The following RAD54L variants were observed in gnomAD, a reference collection of about 807,000 sequenced individuals.
RAD54L encodes the protein DNA repair and recombination protein RAD54-like.
A neutral mutation model predicts 91.6 loss-of-function variants in RAD54L; 74 were observed. That is an observed-to-expected ratio of 0.81 (90% confidence interval 0.67 to 0.98). The LOEUF (loss-of-function observed/expected upper bound fraction) is 0.98. Ranked by LOEUF, RAD54L falls within the 50% of genes least tolerant of loss-of-function variation. The pLI is 0.00. For synonymous variants in RAD54L, 304 were observed against 349.7 expected (o/e 0.87, Z 1.46); for missense variants, 887 against 945.7 (o/e 0.94, Z 0.81).
At chr1:46,269,567 T>C (rs1172421912) in intron 9 of RAD54L, among the ~76,000 whole-genome samples, 1 of 152,032 alleles carries the variant, frequency 6.6e-6, no homozygotes, top group Non-Finnish European at 1.5e-5. Flanking sequence ...CCTCCAACTA[T>C]ATTCTTACTC....
intron 2 of RAD54L, among the ~76,000 whole-genome samples, chr1:46,249,244 CTTT>C (rs34176735): frequency 6.6e-6 from 1 of 152,166 alleles, no homozygotes; most frequent in Non-Finnish European, 1.5e-5. Flanking sequence ...CTAGAAGGCA[CTTT>C]TTGGCAGGAG....
chr1:46,274,163 A>G lies in RAD54L; in HGVS notation c.1636A>G (p.Thr546Ala). ...GTACTTATACGTCCGCCTGGATGGC[A>G]CGATGTCCATTAAGAAGCGAGCCAA... ...RRYLYVRLDGTMSIKKRAKVV... is the reference protein window; with the variant it reads ...RRYLYVRLDGAMSIKKRAKVV... The change falls in exon 15 of 18, where the codon ACG becomes GCG. Residue 546 changes from threonine to alanine, a missense_variant. Coordinates refer to ENST00000371975, the MANE Select transcript of RAD54L (RefSeq NM_003579.4). The G allele has an allele frequency of 6.2e-7, 1 of 1,613,680 alleles. No individual in the cohort carries two copies. The highest frequency in any genetic ancestry group is 8.5e-7 in the Non-Finnish European group (1 of 1,179,764).
intron 2 of RAD54L, 81 bp from the exon 3 acceptor site, chr1:46,249,919 A>G: frequency 2.7e-6 from 4 of 1,504,998 alleles, no homozygotes; most frequent in African/African-American, 1.4e-5. Flanking sequence ...CTGGCACTTA[A>G]TAAGCACTTC....
chr1:46,269,400 C>A (rs5019033), intron 9 of RAD54L, among the ~76,000 whole-genome samples: 1 of 151,090 alleles, frequency 6.6e-6, no homozygotes, highest in African/African-American at 2.4e-5. Context: ...CCTTAACTTC[C>A]GGGCTCTAGT....
chr1:46,261,217 T>TTTTTTTTTAA, intron 7 of RAD54L, 44 bp from the exon 8 acceptor site: 1 of 1,607,112 alleles, frequency 6.2e-7, no homozygotes. Flanking sequence ...TTTTTTTTTT[T>TTTTTTTTTAA]CAAAAGATTC....
chr1:46,270,870 T>C, intron 10 of RAD54L, 85 bp downstream of exon 10: 1 of 1,574,342 alleles, frequency 6.4e-7, no homozygotes, highest in Non-Finnish European at 8.7e-7. Context: ...TCTAGAGCCC[T>C]CAAAGGCTGG....
intron 3 of RAD54L, among the ~76,000 whole-genome samples, chr1:46,253,650 A>G (rs894628220): frequency 1.3e-5 from 2 of 150,676 alleles, no homozygotes; most frequent in Admixed American, 6.6e-5. Flanking sequence ...ATGAAAATGG[A>G]AAAACTGCAA....
rs201376777 is a variant in RAD54L at position 46,261,217 on chromosome 1, T to C, written c.767-44T>C. On this transcript the variant is annotated intron_variant, in intron 7 of 17. Transcript: ENST00000371975. ...ATTGTTTTTTTTGTTTTTTTTTTTT[T>C]CAAAAGATTCTGAATTGTTCCCTTT... 1.8e-3 allele frequency: 2,846 copies of C among 1,607,086 alleles called. 10 individuals are homozygous for C. Among genetic ancestry groups the C allele is most frequent in the East Asian group, 0.011 (513 of 44,850 alleles).
chr1:46,265,682 ATAGTCTCTGCCTTAAGAAATCC>A lies in RAD54L; in HGVS notation c.892-1764_892-1743del, dbSNP rs1432433910. 3.9e-5 allele frequency among the ~76,000 whole-genome samples: 6 copies of A among 152,238 alleles called. No homozygotes were observed. The highest frequency in any genetic ancestry group is 7.3e-5 in the Non-Finnish European group (5 of 68,044). On this transcript the variant is annotated intron_variant, in intron 8 of 17. Transcript: ENST00000371975. This position sits in a 1 kb window ranked among gnomAD's most constrained non-coding sequence, Gnocchi z 4.8. ...CTGAAATTATACAGGCGAATCTGAC[ATAGTCTCTGCCTTAAGAAATCC>A]TAGTCTCTGCCTAGTTGAGAAGATA...
Position 46,248,294 on chromosome 1 carries a change from A to T in RAD54L, c.-112A>T. The T allele has an allele frequency of 7.3e-7, 1 of 1,367,798 alleles. No homozygotes were observed. Among genetic ancestry groups the T allele is most frequent in the Admixed American group, 1.9e-5 (1 of 52,438 alleles). 84.7% of individuals were successfully genotyped at this position (1,367,798 alleles called of 1,614,324 possible). ...CCTCTTTAATTAGCCGGTCCTCTCAATAATGTAGCAGCCCCCTCTACAGAT... is the reference window on the plus strand; with the variant it reads ...CCTCTTTAATTAGCCGGTCCTCTCATTAATGTAGCAGCCCCCTCTACAGAT... On this transcript the variant is annotated 5_prime_UTR_variant, in exon 1 of 18. Coordinates refer to ENST00000371975, the MANE Select transcript of RAD54L (RefSeq NM_003579.4).
chr1:46,260,753 C>G lies in RAD54L; in HGVS notation c.504C>G (p.Val168=), dbSNP rs1468481065. Residue 168 remains valine (V), a synonymous_variant, in exon 7 of 18, where the codon GTC becomes GTG. Coordinates refer to ENST00000371975, the MANE Select transcript of RAD54L (RefSeq NM_003579.4). ...GAGTGAAATTCCTGTGGGAGTGTGTCACCAGTCGGCGCATCCCTGGCAGCC... is the reference window on the plus strand; with the variant it reads ...GAGTGAAATTCCTGTGGGAGTGTGTGACCAGTCGGCGCATCCCTGGCAGCC... ...REGVKFLWEC[V]TSRRIPGSHG... 1 of 1,614,078 alleles carries G rather than the reference C, an allele frequency of 6.2e-7. No individual in the cohort carries two copies. Among genetic ancestry groups the G allele is most frequent in the Admixed American group, 1.7e-5 (1 of 59,996 alleles).
At chr1:46,267,334 G>T in intron 8 of RAD54L, 125 bp from the exon 9 acceptor site, 1 of 1,268,452 alleles carries the variant, frequency 7.9e-7, no homozygotes, top group Non-Finnish European at 1.1e-6. Flanking sequence ...AAAGTGCTGG[G>T]ATTACAGGCA....
rs532813905 is a variant in RAD54L, at chr1:46,248,565, C to T, written c.57C>T (p.Ser19=). ...CCAAGAGAAAACCTGAAGGCAGGTCCTGTGATGATGAAGACTGGCAACCTG... is the reference window on the plus strand; with the variant it reads ...CCAAGAGAAAACCTGAAGGCAGGTCTTGTGATGATGAAGACTGGCAACCTG... The part of the protein sequence containing the change: ...QLAKRKPEGR[S]CDDEDWQPGL... The change falls in exon 2 of 18, where the codon TCC becomes TCT. Residue 19 remains serine, a synonymous_variant. Transcript: ENST00000371975. 1.2e-6 allele frequency: 2 copies of T among 1,614,094 alleles called. No homozygotes were observed. Among genetic ancestry groups the T allele is most frequent in the African/African-American group, 2.7e-5 (2 of 75,044 alleles).
At chr1:46,264,675 T>G (rs1660219304) in intron 8 of RAD54L, among the ~76,000 whole-genome samples, 1 of 152,266 alleles carries the variant, frequency 6.6e-6, no homozygotes, top group Non-Finnish European at 1.5e-5. Flanking sequence ...TCTTAAAGAT[T>G]AGGAGACAAA....
At position 46,274,190 on chromosome 1, in the gene RAD54L, G is replaced by C; in HGVS notation, c.1663G>C (p.Val555Leu). ...GATGTCCATTAAGAAGCGAGCCAAG[G>C]TTGTAGAACGCTTCAATAGTCCATC... Reference protein sequence around the residue: ...GTMSIKKRAKVVERFNSPSSP... With the variant: ...GTMSIKKRAKLVERFNSPSSP... Residue 555 changes from valine to leucine, a missense_variant, in exon 15 of 18, where the codon GTT becomes CTT. By Grantham distance (32) the Val-to-Leu change is conservative (BLOSUM62 1). Transcript: ENST00000371975. 1 of 1,613,672 alleles carries C rather than the reference G, an allele frequency of 6.2e-7. No individual in the cohort carries two copies. Among genetic ancestry groups the C allele is most frequent in the Non-Finnish European group, 8.5e-7 (1 of 1,179,620 alleles).
rs1275606756 is a variant in RAD54L, at chr1:46,277,885, G to A, written c.1938G>A (p.Val646=). The A allele has an allele frequency of 2.5e-6, 4 of 1,613,922 alleles. No homozygotes were observed. Among genetic ancestry groups the A allele is most frequent in the East Asian group, 4.5e-5 (2 of 44,896 alleles). ...SHKKALSSCV[V]DEEQDVERHF... The stretch of plus-strand genomic sequence containing the variant: ...AGAAGGCACTGAGCAGCTGTGTGGT[G>A]GATGAGGAGCAGGATGTAGAGCGCC... Residue 646 remains valine (V), a synonymous_variant, in exon 17 of 18, where the codon GTG becomes GTA. Transcript: ENST00000371975.
At position 46,277,822 on chromosome 1, in the gene RAD54L, G is replaced by A; in HGVS notation, c.1875G>A (p.Gly625=). The A allele has an allele frequency of 6.2e-7, 1 of 1,606,952 alleles. No individual in the cohort carries two copies. Among genetic ancestry groups the A allele is most frequent in the East Asian group, 2.2e-5 (1 of 44,842 alleles). ...TCYIYRLLSA[G]TIEEKIFQRQ... ...CCCCACCTCCTCTTCCCCAGGCAGG[G>A]ACCATTGAGGAGAAGATCTTCCAGC... The change falls in exon 17 of 18, where the codon GGG becomes GGA. Residue 625 remains glycine, a synonymous_variant. Transcript: ENST00000371975.
intron 12 of RAD54L, 41 bp from the exon 13 acceptor site, chr1:46,273,314 C>A (rs368510244): frequency 8.4e-6 from 13 of 1,540,858 alleles, no homozygotes; most frequent in African/African-American, 2.7e-5. Flanking sequence ...GTGGAAACTT[C>A]AGAAAGCAAA....
Position 46,260,846 on chromosome 1 carries a change from A to C in RAD54L, c.597A>C (p.Thr199=), listed in dbSNP as rs775094782. 1.9e-6 allele frequency: 3 copies of C among 1,614,236 alleles called. No individual in the cohort carries two copies. The highest frequency in any genetic ancestry group is 3.3e-4 in the Middle Eastern group (2 of 6,062). The change falls in exon 7 of 18, where the codon ACA becomes ACC. Residue 199 remains threonine, a synonymous_variant. Coordinates refer to ENST00000371975, the MANE Select transcript of RAD54L (RefSeq NM_003579.4). ...KTLQCITLMW[T]LLRQSPECKP... Reference sequence around the variant, plus strand: ...TGCAGTGCATCACATTGATGTGGACACTTTTACGCCAGAGTCCAGAGTGCA... The same window carrying C: ...TGCAGTGCATCACATTGATGTGGACCCTTTTACGCCAGAGTCCAGAGTGCA...
Sources: gnomAD v4.1 joint callset for allele counts (sites outside exome capture counted in the v4.1 genomes callset) on GRCh38, gnomAD v4.1.1 for gene constraint, Gnocchi (gnomAD v3.1) non-coding constraint, MANE v1.5 for transcripts, NCBI Gene and HGNC (gene_info 2026-07-23, HGNC 2026-07-21) for gene names.